The following SKAP1 variants were observed in gnomAD, a reference collection of about 807,000 sequenced individuals.
The protein encoded by SKAP1 is src kinase associated phosphoprotein 1, also known as src kinase-associated phosphoprotein 1.
A neutral mutation model predicts 58.5 loss-of-function variants in SKAP1; 44 were observed. The ratio of observed to expected loss-of-function variants is 0.75; its 90% CI spans 0.59 to 0.97. SKAP1 has a LOEUF of 0.97. Ranked by LOEUF, SKAP1 falls within the 50% of genes least tolerant of loss-of-function variation. The pLI, the probability that SKAP1 is intolerant of heterozygous loss-of-function variation, is 0.00. For missense variants in SKAP1, 390 were observed against 435.2 expected (o/e 0.90, Z 0.92); for synonymous variants, 127 against 149.7 (o/e 0.85, Z 1.11).
In SKAP1 at chr17:48,229,392, G is replaced by A. The variant is rs2143771813; in HGVS notation, c.281-39892C>T. ...TCCCAGCATTTTGGGAGGACGAGGT[G>A]GGCAGATCGCCTGAGGTCAGGAGTT... On this transcript the variant is annotated intron_variant, in intron 4 of 12. Transcript: ENST00000336915. 3.3e-5 allele frequency among the ~76,000 whole-genome samples: 5 copies of A among 152,202 alleles called. No individual in the cohort carries two copies. The East Asian group carries it at 9.7e-4, about 29-fold the overall frequency.
chr17:48,244,675 G>A (rs2065276942), intron 4 of SKAP1, among the ~76,000 whole-genome samples: 1 of 152,122 alleles, frequency 6.6e-6, no homozygotes, highest in Admixed American at 6.5e-5. Flanking sequence ...ATATTCCAAA[G>A]GAAGCTTGGA....
At chr17:48,323,207 TAAA>T (rs5820695) in intron 4 of SKAP1, among the ~76,000 whole-genome samples, 1 of 139,460 alleles carries the variant, frequency 7.2e-6, no homozygotes, top group African/African-American at 2.6e-5. Flanking sequence ...CAGACAACAG[TAAA>T]AAAAAAAAAA....
chr17:48,140,778 CTTTT>C (rs35573297), intron 11 of SKAP1, among the ~76,000 whole-genome samples: 14 of 138,068 alleles, frequency 1.0e-4, no homozygotes, highest in African/African-American at 3.2e-4. Context: ...TCTTCTTCTT[CTTTT>C]TTTTTTTTTT....
intron 8 of SKAP1, among the ~76,000 whole-genome samples, chr17:48,181,842 G>A (rs1819518180): frequency 6.6e-6 from 1 of 152,134 alleles, no homozygotes; most frequent in Admixed American, 6.5e-5. Flanking sequence ...CCAGCAGAGG[G>A]TACTCTAAGA....
intron 4 of SKAP1, among the ~76,000 whole-genome samples, chr17:48,341,645 T>A (rs528364598): frequency 6.6e-6 from 1 of 152,212 alleles, no homozygotes; most frequent in Non-Finnish European, 1.5e-5. Flanking sequence ...TCAACAAGTA[T>A]GTAATAAAAT....
intron 4 of SKAP1, among the ~76,000 whole-genome samples, chr17:48,327,897 G>A (rs571411055): frequency 4.6e-5 from 7 of 152,296 alleles, no homozygotes; most frequent in South Asian, 2.1e-4. Flanking sequence ...CTCCCAAAGT[G>A]CTGGGATTAT....
chr17:48,250,271 A>ATTTT (rs2143868933), intron 4 of SKAP1, among the ~76,000 whole-genome samples: 2 of 94,266 alleles, frequency 2.1e-5, no homozygotes, highest in African/African-American at 8.2e-5. Flanking sequence ...TGCCATAGAC[A>ATTTT]GTTTTTTTTT....
At chr17:48,157,790 A>G (rs1483252137) in intron 11 of SKAP1, among the ~76,000 whole-genome samples, 1 of 151,552 alleles carries the variant, frequency 6.6e-6, no homozygotes, top group Admixed American at 6.6e-5. Context: ...CGGCCTCCCA[A>G]AGTGTTGGGA....
At chr17:48,202,586 C>A (rs930396736) in intron 4 of SKAP1, among the ~76,000 whole-genome samples, 3 of 151,964 alleles carry the variant, frequency 2.0e-5, no homozygotes, top group Non-Finnish European at 4.4e-5. Flanking sequence ...CTGTTTCATC[C>A]GACAAAACTC....
At chr17:48,362,966 T>G (rs531864722) in intron 3 of SKAP1, among the ~76,000 whole-genome samples, 16 of 152,252 alleles carry the variant, frequency 1.1e-4, no homozygotes, top group Admixed American at 1.0e-3. Flanking sequence ...TCTGAGAAAA[T>G]AAAGCCCCTC....
At chr17:48,385,839 A>G (rs2067268513) in intron 2 of SKAP1, among the ~76,000 whole-genome samples, 1 of 152,192 alleles carries the variant, frequency 6.6e-6, no homozygotes, top group South Asian at 2.1e-4. Context: ...CACAGGGGAA[A>G]GAGTTAGAAA....
chr17:48,159,037 T>C (rs1340521979), intron 11 of SKAP1, among the ~76,000 whole-genome samples: 4 of 151,440 alleles, frequency 2.6e-5, no homozygotes, highest in African/African-American at 9.7e-5. Context: ...TCATTTCCCC[T>C]GCCACCTCCA....
intron 4 of SKAP1, among the ~76,000 whole-genome samples, chr17:48,253,076 G>T (rs1249867583): frequency 6.6e-6 from 1 of 152,142 alleles, no homozygotes; most frequent in African/African-American, 2.4e-5. Flanking sequence ...TTCACTTAAA[G>T]AACTGCAACA....
intron 4 of SKAP1, among the ~76,000 whole-genome samples, chr17:48,225,534 A>G (rs566965455): frequency 6.6e-6 from 1 of 152,338 alleles, no homozygotes; most frequent in Non-Finnish European, 1.5e-5. Context: ...CAGGTTACCA[A>G]CAGCATTCAA....
chr17:48,228,406 G>C (rs962010602), intron 4 of SKAP1, among the ~76,000 whole-genome samples: 4 of 152,216 alleles, frequency 2.6e-5, no homozygotes, highest in African/African-American at 9.6e-5. Context: ...CATCTGACCA[G>C]AGCTAATCAT....
At chr17:48,265,959 A>G (rs2049542498) in intron 4 of SKAP1, among the ~76,000 whole-genome samples, 1 of 152,196 alleles carries the variant, frequency 6.6e-6, no homozygotes, top group African/African-American at 2.4e-5. Flanking sequence ...TTTTCTCTTT[A>G]TGAAAAATGA....
chr17:48,331,581 C>T lies in SKAP1; in HGVS notation c.280+14324G>A, dbSNP rs150248435. On this transcript the variant is annotated intron_variant, in intron 4 of 12. Transcript: ENST00000336915. ...GGGCGTGGTGGCGCATGCCTGTAAT[C>T]TCAGCTACTCAAAAGGCTGAGGCAG... Among the ~76,000 whole-genome samples the T allele has an allele frequency of 8.5e-5, 13 of 152,172 alleles. No individual in the cohort carries two copies. In the East Asian group the frequency reaches 2.3e-3, roughly 27 times the overall value.
In SKAP1 at chr17:48,409,835, T is replaced by C. The variant is rs181124851; in HGVS notation, c.47-13050A>G. Among the ~76,000 whole-genome samples, 8 of 152,286 alleles carry C rather than the reference T, an allele frequency of 5.3e-5. No individual in the cohort carries two copies. The East Asian group carries it at 1.3e-3, about 26-fold the overall frequency. ...GACATCATGCATTTGTTGAAACCTA[T>C]AGAACTTTAAAACACAGAGTGAGCC... On this transcript the variant is annotated intron_variant, in intron 1 of 12. Transcript: ENST00000336915.
chr17:48,252,114 GATT>G (rs1179310084), intron 4 of SKAP1, among the ~76,000 whole-genome samples: 1 of 152,182 alleles, frequency 6.6e-6, no homozygotes, highest in Non-Finnish European at 1.5e-5. Context: ...CTTTCTGAGC[GATT>G]ATGACTTATC....
Sources: allele counts gnomAD v4.1 joint callset (sites outside exome capture counted in the v4.1 genomes callset), GRCh38; gene constraint gnomAD v4.1.1; transcripts MANE v1.5; gene names NCBI Gene and HGNC (gene_info 2026-07-23, HGNC 2026-07-21).